Variants in CELF4 observed in about 807,000 individuals in gnomAD.
CELF4 encodes CUG-BP- and ETR-3-like factor 4.
In CELF4, 18 loss-of-function variants were observed where a neutral mutation model predicts 59.9. The observed-to-expected ratio is 0.30, with a 90% CI of 0.21 to 0.45. CELF4 has a LOEUF of 0.45. CELF4 is among the 20% of genes least tolerant of loss of function. The probability of loss-of-function intolerance (pLI) is 1.00; values close to 1 mark genes in which losing one functional copy is unlikely to be tolerated. For missense variants in CELF4, 456 were observed against 689.0 expected, an observed-to-expected ratio of 0.66 and a Z score of 3.79; for synonymous variants, 261 against 267.1, an observed-to-expected ratio of 0.98 and a Z score of 0.22.
intron 2 of CELF4, among the ~76,000 whole-genome samples, chr18:37,394,340 G>A (rs1051923120): frequency 1.3e-5 from 2 of 152,220 alleles, no homozygotes; most frequent in African/African-American, 2.4e-5. Flanking sequence ...TCCTGCTCGC[G>A]TGCAGCCGCC....
intron 3 of CELF4, among the ~76,000 whole-genome samples, chr18:37,298,563 C>A (rs754752698): frequency 2.1e-4 from 32 of 152,104 alleles, no homozygotes; most frequent in South Asian, 2.1e-4. Context: ...AACCCCATCT[C>A]TACTAAAAAT....
chr18:37,485,682 C>T, intron 1 of CELF4, 75 bp from the exon 2 acceptor site: 1 of 961,400 alleles, frequency 1.0e-6, no homozygotes, highest in Non-Finnish European at 1.4e-6. Context: ...GCCGCCCGCC[C>T]TCCAGGCTCC....
chr18:37,286,351 C>T (rs529315991), intron 3 of CELF4, among the ~76,000 whole-genome samples: 3 of 152,186 alleles, frequency 2.0e-5, no homozygotes, highest in East Asian at 1.9e-4. Flanking sequence ...GGGCAGTGGT[C>T]GCTGCCTGCA....
intron 2 of CELF4, among the ~76,000 whole-genome samples, chr18:37,414,191 CATCTATCTATCTATCT>C (rs59869024): frequency 0.031 from 4,573 of 148,182 alleles, 93 homozygotes; most frequent in Middle Eastern, 0.066. Context: ...TCCATTCATT[CATCTATCTATCTATCT>C]ATCTATCTAT....
chr18:37,330,868 T>C (rs2097518287), intron 2 of CELF4, among the ~76,000 whole-genome samples: 1 of 152,154 alleles, frequency 6.6e-6, no homozygotes, highest in Non-Finnish European at 1.5e-5. Context: ...GCGTTGCACC[T>C]TTGGATTAGG....
chr18:37,471,796 G>C (rs1158744872), intron 2 of CELF4, among the ~76,000 whole-genome samples: 1 of 152,202 alleles, frequency 6.6e-6, no homozygotes, highest in African/African-American at 2.4e-5. Flanking sequence ...TATGCTCCTG[G>C]TGGGTGCTCA....
intron 1 of CELF4, among the ~76,000 whole-genome samples, chr18:37,519,323 T>G (rs1200010557): frequency 6.6e-6 from 1 of 152,144 alleles, no homozygotes; most frequent in East Asian, 1.9e-4. Flanking sequence ...TCTTCTGGAC[T>G]GAAACCCTTG....
chr18:37,557,158 G>A (rs1370547826), intron 1 of CELF4, among the ~76,000 whole-genome samples: 1 of 152,218 alleles, frequency 6.6e-6, no homozygotes, highest in Non-Finnish European at 1.5e-5. Context: ...GGTGTGGGCA[G>A]CGGATGTGAA....
At chr18:37,474,026 T>C (rs527920531) in intron 2 of CELF4, 1 of 152,322 alleles carries the variant, frequency 6.6e-6, no homozygotes, top group Admixed American at 6.5e-5. Flanking sequence ...CTGGACCTGC[T>C]CTGCTTGATG....
At chr18:37,389,745 C>T (rs2099137483) in intron 2 of CELF4, among the ~76,000 whole-genome samples, 1 of 152,184 alleles carries the variant, frequency 6.6e-6, no homozygotes, top group Non-Finnish European at 1.5e-5. Context: ...TGTGAGCGTG[C>T]ACACAGTCAG....
chr18:37,470,873 T>TGAGAGA (rs1569569543), intron 2 of CELF4, among the ~76,000 whole-genome samples: 4 of 104,132 alleles, frequency 3.8e-5, no homozygotes, highest in Non-Finnish European at 8.2e-5. Flanking sequence ...TGTGTGTGTG[T>TGAGAGA]GTGTGTGTGT....
chr18:37,390,802 C>CGGAGGG (rs139992661), intron 2 of CELF4, among the ~76,000 whole-genome samples: 4 of 57,832 alleles, frequency 6.9e-5, no homozygotes, highest in East Asian at 1.2e-3. Context: ...GGTGATGGGG[C>CGGAGGG]GGGGAGGGGG....
chr18:37,269,040 C>A (rs2079086292), intron 8 of CELF4, among the ~76,000 whole-genome samples: 1 of 152,100 alleles, frequency 6.6e-6, no homozygotes, highest in Non-Finnish European at 1.5e-5. Flanking sequence ...TTATCAGGAT[C>A]CAGAGATCCA....
At chr18:37,326,347 C>G (rs1403332308) in intron 2 of CELF4, among the ~76,000 whole-genome samples, 3 of 152,172 alleles carry the variant, frequency 2.0e-5, no homozygotes, top group Non-Finnish European at 4.4e-5. Flanking sequence ...CTGGCCATGG[C>G]CTCAGGACCC....
At chr18:37,516,872 G>T (rs988022097) in intron 1 of CELF4, among the ~76,000 whole-genome samples, 1 of 152,170 alleles carries the variant, frequency 6.6e-6, no homozygotes, top group Non-Finnish European at 1.5e-5. Flanking sequence ...ACGTGGCTGG[G>T]ATCTCCTCCC....
chr18:37,342,799 T>C (rs1422098041), intron 2 of CELF4, among the ~76,000 whole-genome samples: 1 of 152,168 alleles, frequency 6.6e-6, no homozygotes, highest in Non-Finnish European at 1.5e-5. Context: ...GGACAAAAAC[T>C]AATGCAAAAA....
intron 1 of CELF4, among the ~76,000 whole-genome samples, chr18:37,495,900 T>C (rs1036736803): frequency 6.6e-6 from 1 of 152,032 alleles, no homozygotes; most frequent in Non-Finnish European, 1.5e-5. Flanking sequence ...GACTCTTATC[T>C]CCCATGAAAG....
Position 37,536,469 on chromosome 18 carries a change from G to A in CELF4, c.286+28887C>T, listed in dbSNP as rs538223511. On this transcript the variant is annotated intron_variant, in intron 1 of 12. Transcript: ENST00000420428. ...TTCCTGAGCAACAGCCATCTTCTCAGCCCTCGGCAAGGGGTCCCCAGCTAC... is the reference window on the plus strand; with the variant it reads ...TTCCTGAGCAACAGCCATCTTCTCAACCCTCGGCAAGGGGTCCCCAGCTAC... Among the ~76,000 whole-genome samples, 5 of 152,322 alleles carry A rather than the reference G, an allele frequency of 3.3e-5. No individual in the cohort carries two copies. The East Asian group carries it at 9.7e-4, about 29-fold the overall frequency.
intron 1 of CELF4, among the ~76,000 whole-genome samples, chr18:37,502,938 C>T (rs2099933485): frequency 1.3e-5 from 2 of 152,220 alleles, no homozygotes; most frequent in South Asian, 4.1e-4. Context: ...CTAATTGAGC[C>T]TTTGCATTAG....
Sources: allele counts gnomAD v4.1 joint callset (sites outside exome capture counted in the v4.1 genomes callset), GRCh38; gene constraint gnomAD v4.1.1; transcripts MANE v1.5; gene names NCBI Gene and HGNC (gene_info 2026-07-23, HGNC 2026-07-21).